BRINP2: variants seen among roughly 807,000 people sequenced by gnomAD.
BRINP2 encodes the protein BMP/retinoic acid-inducible neural-specific protein 2.
Under a neutral mutation model 69.2 loss-of-function variants are expected in BRINP2, and 21 were observed. The ratio of observed to expected loss-of-function variants is 0.30; its 90% CI spans 0.22 to 0.44. The LOEUF (loss-of-function observed/expected upper bound fraction) is 0.44. Ranked by LOEUF, BRINP2 falls within the 20% of genes least tolerant of loss-of-function variation. The pLI is 1.00. For missense variants in BRINP2, 877 were observed against 986.0 expected (o/e 0.89, Z 1.48); for synonymous variants, 380 against 394.1 (o/e 0.96, Z 0.42).
intron 4 of BRINP2, among the ~76,000 whole-genome samples, chr1:177,259,242 C>T (rs1464989722): frequency 6.6e-6 from 1 of 152,114 alleles, no homozygotes; most frequent in South Asian, 2.1e-4. Context: ...CACAACATTC[C>T]CCGAAGCCAA....
chr1:177,225,308 C>G, intron 1 of BRINP2, among the ~76,000 whole-genome samples: 1 of 152,104 alleles, frequency 6.6e-6, no homozygotes, highest in East Asian at 1.9e-4. Flanking sequence ...CTTGGTTTAC[C>G]TTTACGTTTT....
chr1:177,258,759 A>G (rs1650850057), intron 4 of BRINP2, among the ~76,000 whole-genome samples: 1 of 152,060 alleles, frequency 6.6e-6, no homozygotes, highest in African/African-American at 2.4e-5. Flanking sequence ...GTGACCTTTA[A>G]TGTCACTTTT....
intron 4 of BRINP2, among the ~76,000 whole-genome samples, chr1:177,272,585 CA>C (rs1651360935): frequency 6.6e-6 from 1 of 152,248 alleles, no homozygotes; most frequent in Non-Finnish European, 1.5e-5. Context: ...TGCTGCAAAG[CA>C]GGGGGGCCTG....
intron 2 of BRINP2, among the ~76,000 whole-genome samples, chr1:177,238,213 G>GT (rs1650088453): frequency 1.3e-5 from 2 of 152,366 alleles, no homozygotes; most frequent in South Asian, 4.1e-4. Flanking sequence ...CTGTGGTATA[G>GT]TAAAAAGTCT....
intron 4 of BRINP2, among the ~76,000 whole-genome samples, chr1:177,263,326 G>A (rs1283084430): frequency 6.6e-6 from 1 of 152,178 alleles, no homozygotes; most frequent in African/African-American, 2.4e-5. Context: ...CAATGAATGA[G>A]GGGGAGTAAC....
At chr1:177,179,986 TA>T (rs1648199938) in intron 1 of BRINP2, among the ~76,000 whole-genome samples, 1 of 152,176 alleles carries the variant, frequency 6.6e-6, no homozygotes, top group South Asian at 2.1e-4. Context: ...TGCATGCATC[TA>T]TACCTTCTGA....
intron 5 of BRINP2, among the ~76,000 whole-genome samples, chr1:177,275,585 A>C (rs77702814): frequency 0.06 from 9,175 of 152,182 alleles, 301 homozygotes; most frequent in African/African-American, 0.068. Flanking sequence ...TATGAGCACA[A>C]ATGTTATTTG....
At position 177,255,900 on chromosome 1, in the gene BRINP2, C is replaced by T. The variant is rs1261410805; in HGVS notation, c.270-19C>T. On this transcript the variant is annotated intron_variant, in intron 2 of 7. Coordinates refer to ENST00000361539, the MANE Select transcript of BRINP2 (RefSeq NM_021165.4). ...TGAAACGAGGTCAGCTTTTCCTTATCCCTTGGCTTTTCCCCCAGGGAGTTT... is the reference window on the plus strand; with the variant it reads ...TGAAACGAGGTCAGCTTTTCCTTATTCCTTGGCTTTTCCCCCAGGGAGTTT... 6.2e-7 allele frequency: 1 copy of T among 1,612,478 alleles called. No individual in the cohort carries two copies. Among genetic ancestry groups the T allele is most frequent in the Non-Finnish European group, 8.5e-7 (1 of 1,179,068 alleles).
intron 1 of BRINP2, among the ~76,000 whole-genome samples, chr1:177,221,095 T>G (rs1649518385): frequency 6.6e-6 from 1 of 152,224 alleles, no homozygotes. Flanking sequence ...AGCTATCTTA[T>G]TCAAGTCTGT....
At chr1:177,180,681 G>A (rs750813118) in intron 1 of BRINP2, among the ~76,000 whole-genome samples, 7 of 152,034 alleles carry the variant, frequency 4.6e-5, no homozygotes, top group South Asian at 2.1e-4. Context: ...CTGGAGCTCC[G>A]CCACCTGTTT....
At chr1:177,221,471 T>C (rs1384228147) in intron 1 of BRINP2, among the ~76,000 whole-genome samples, 1 of 152,196 alleles carries the variant, frequency 6.6e-6, no homozygotes, top group African/African-American at 2.4e-5. Context: ...GGTCTTTAAA[T>C]AACGTATTGC....
intron 6 of BRINP2, 23 bp downstream of exon 6, chr1:177,276,457 T>G: frequency 6.2e-7 from 1 of 1,603,178 alleles, no homozygotes; most frequent in Non-Finnish European, 8.5e-7. Context: ...AATTCCTCCC[T>G]GTCAATGAGA....
At chr1:177,258,506 G>A (rs1177172312) in intron 4 of BRINP2, among the ~76,000 whole-genome samples, 1 of 152,158 alleles carries the variant, frequency 6.6e-6, no homozygotes, top group Non-Finnish European at 1.5e-5. Context: ...AAATATACAG[G>A]CAATAGCTCA....
chr1:177,266,994 A>G (rs1188612404), intron 4 of BRINP2, among the ~76,000 whole-genome samples: 2 of 152,110 alleles, frequency 1.3e-5, no homozygotes, highest in East Asian at 3.9e-4. Context: ...ATTTCCCACT[A>G]AAAGTACAGA....
At chr1:177,190,370 G>T (rs1329300705) in intron 1 of BRINP2, among the ~76,000 whole-genome samples, 1 of 152,192 alleles carries the variant, frequency 6.6e-6, no homozygotes, top group Non-Finnish European at 1.5e-5. Flanking sequence ...CCCTAGAGCA[G>T]TCCCTATCCC....
At chr1:177,257,085 G>A (rs1195326513) in intron 3 of BRINP2, 91 bp from the exon 4 acceptor site, 2 of 1,582,312 alleles carry the variant, frequency 1.3e-6, no homozygotes, top group Non-Finnish European at 1.7e-6. Flanking sequence ...TCTCTCAGCT[G>A]TGTCTATCTT....
At chr1:177,179,237 C>T (rs725417) in intron 1 of BRINP2, among the ~76,000 whole-genome samples, 222 of 152,236 alleles carry the variant, frequency 1.5e-3, no homozygotes, top group African/African-American at 5.0e-3. Flanking sequence ...ACTGAGGCAT[C>T]GGTCAGGGAA....
intron 1 of BRINP2, among the ~76,000 whole-genome samples, chr1:177,176,444 G>T (rs1385556419): frequency 6.6e-6 from 1 of 151,632 alleles, no homozygotes; most frequent in East Asian, 1.9e-4. Context: ...ATTAAGATTA[G>T]TTTCACCCAT....
rs772614310 is a variant in BRINP2, at chr1:177,276,241, A to G, written c.819A>G (p.Val273=). The G allele has an allele frequency of 6.2e-7, 1 of 1,614,170 alleles. No homozygotes were observed. The highest frequency in any genetic ancestry group is 1.7e-5 in the Admixed American group (1 of 60,030). Residue 273 remains valine (V), a synonymous_variant, in exon 6 of 8, where the codon GTA becomes GTG. Transcript: ENST00000361539. ...LLPEYLRERF[V]AAALSYITCS... Reference sequence around the variant, plus strand: ...CTGAGTATCTGCGTGAGCGCTTTGTAGCTGCAGCACTCAGCTACATCACAT... The same window carrying G: ...CTGAGTATCTGCGTGAGCGCTTTGTGGCTGCAGCACTCAGCTACATCACAT...
Sources: allele counts gnomAD v4.1 joint callset (sites outside exome capture counted in the v4.1 genomes callset), GRCh38; gene constraint gnomAD v4.1.1; transcripts MANE v1.5; gene names NCBI Gene and HGNC (gene_info 2026-07-23, HGNC 2026-07-21).